Variants in ZBTB20 observed in about 807,000 individuals in gnomAD.
ZBTB20 encodes zinc finger and BTB domain containing 20, also known as zinc finger and BTB domain-containing protein 20.
ZBTB20 carries 9 observed loss-of-function variants against 56.9 expected under a neutral mutation model. That is an observed-to-expected ratio of 0.16 (90% confidence interval 0.10 to 0.28). The LOEUF is 0.28. ZBTB20 is among the 10% of genes least tolerant of loss of function. The probability of loss-of-function intolerance (pLI) is 1.00; values close to 1 mark genes in which losing one functional copy is unlikely to be tolerated. For synonymous variants in ZBTB20, 417 were observed against 420.7 expected (o/e 0.99, Z 0.11); for missense variants, 655 against 1,003.0 (o/e 0.65, Z 4.69).
At position 114,335,358 on chromosome 3, in the gene ZBTB20, T is replaced by C. The variant is rs1321119137; in HGVS notation, c.*3647A>G. On this transcript the variant is annotated 3_prime_UTR_variant, in exon 12 of 12. Coordinates refer to ENST00000675478, the MANE Select transcript of ZBTB20 (RefSeq NM_001348800.3). ...CTAAATGTAAGATGACTGTAGGACT[T>C]GAAACAAAAAAAAATTAAAAAGATC... 6.6e-6 allele frequency: 1 copy of C among 152,098 alleles called. No individual in the cohort carries two copies. The highest frequency in any genetic ancestry group is 1.5e-5 in the Non-Finnish European group (1 of 68,004). 9.4% of individuals were successfully genotyped at this position (152,098 alleles called of 1,614,324 possible). A position where few individuals can be genotyped will look rare whatever the true frequency, so the allele number is the denominator to read the frequency against.
At chr3:114,820,468 T>A (rs2073175007) in intron 4 of ZBTB20, among the ~76,000 whole-genome samples, 1 of 152,104 alleles carries the variant, frequency 6.6e-6, no homozygotes, top group African/African-American at 2.4e-5. Context: ...TAGAATTGTT[T>A]ATCCATGATT....
intron 3 of ZBTB20, among the ~76,000 whole-genome samples, chr3:114,916,298 CAT>C (rs1560395187): frequency 6.6e-6 from 1 of 152,044 alleles, no homozygotes; most frequent in Non-Finnish European, 1.5e-5. Flanking sequence ...TTTATAATTA[CAT>C]AGTGACCTTC....
At chr3:114,726,031 T>C (rs1429066537) in intron 5 of ZBTB20, among the ~76,000 whole-genome samples, 2 of 152,188 alleles carry the variant, frequency 1.3e-5, no homozygotes, top group Non-Finnish European at 2.9e-5. Flanking sequence ...CAGTTTATTT[T>C]AGTAACACAA....
At chr3:114,590,688 C>T (rs758609127) in intron 6 of ZBTB20, among the ~76,000 whole-genome samples, 1 of 152,020 alleles carries the variant, frequency 6.6e-6, no homozygotes, top group Non-Finnish European at 1.5e-5. Flanking sequence ...CTTTCACCCT[C>T]GTCAAGCACA....
At chr3:114,850,327 T>C (rs530280210) in intron 4 of ZBTB20, among the ~76,000 whole-genome samples, 63 of 152,128 alleles carry the variant, frequency 4.1e-4, no homozygotes, top group Non-Finnish European at 8.1e-4. Context: ...ACGACCAAAA[T>C]ATAAACAGGA....
chr3:114,322,499 GA>G lies in ZBTB20; in HGVS notation c.*16505del. 1 of 152,308 alleles carries G rather than the reference GA, an allele frequency of 6.6e-6. No individual in the cohort carries two copies. The highest frequency in any genetic ancestry group is 1.5e-5 in the Non-Finnish European group (1 of 68,030). The allele number at this position is 152,308 out of a possible 1,614,324, so 9.4% of individuals were successfully genotyped here. ...CGATCTGAAGATTAAAATCTTTGGT[GA>G]CAGAACTGGAGTGGATATGCAAATT... is the stretch of plus-strand genomic sequence containing the variant. On this transcript the variant is annotated 3_prime_UTR_variant, in exon 12 of 12. Transcript: ENST00000675478.
At position 114,317,456 on chromosome 3, in the gene ZBTB20, A is replaced by G. The variant is rs2078730871; in HGVS notation, c.*21549T>C. On this transcript the variant is annotated 3_prime_UTR_variant, in exon 12 of 12. Transcript: ENST00000675478. ...AAGGCTGCTTGCCATTGCTCACCTC[A>G]TTTTTGAAAAAATCAGAGAAGTCTA... The G allele has an allele frequency of 6.6e-6, 1 of 151,422 alleles. No individual in the cohort carries two copies. The highest frequency in any genetic ancestry group is 2.4e-5 in the African/African-American group (1 of 41,104). The allele number at this position is 151,422 out of a possible 1,614,324, so 9.4% of individuals were successfully genotyped here.
chr3:114,810,213 T>C (rs558140528), intron 4 of ZBTB20, among the ~76,000 whole-genome samples: 1 of 152,328 alleles, frequency 6.6e-6, no homozygotes, highest in East Asian at 1.9e-4. Flanking sequence ...CCCCAGAGTA[T>C]GTGTGCAGCC....
At chr3:114,768,318 T>C (rs1168008593) in intron 5 of ZBTB20, among the ~76,000 whole-genome samples, 2 of 152,008 alleles carry the variant, frequency 1.3e-5, no homozygotes, top group Non-Finnish European at 2.9e-5. Flanking sequence ...TAAAATTATA[T>C]AGCAATATAT....
At chr3:114,844,520 C>CAGAAAAAAAAAAA (rs2074564889) in intron 4 of ZBTB20, among the ~76,000 whole-genome samples, 1 of 22,804 alleles carries the variant, frequency 4.4e-5, no homozygotes, top group Non-Finnish European at 6.5e-5. Flanking sequence ...GTCCCTGTCT[C>CAGAAAAAAAAAAA]AAAAAAAAAA....
At chr3:114,911,039 C>A (rs28379518) in intron 3 of ZBTB20, among the ~76,000 whole-genome samples, 2 of 151,914 alleles carry the variant, frequency 1.3e-5, no homozygotes, top group Non-Finnish European at 2.9e-5. Context: ...CTGTCCTATT[C>A]TTGTTCTTCA....
At chr3:114,598,174 A>T (rs2056472040) in intron 6 of ZBTB20, among the ~76,000 whole-genome samples, 1 of 152,126 alleles carries the variant, frequency 6.6e-6, no homozygotes, top group African/African-American at 2.4e-5. Context: ...ATTAAGGTTC[A>T]AGGAAATCTT....
chr3:114,533,802 C>T (rs1176328977), intron 6 of ZBTB20, among the ~76,000 whole-genome samples: 1 of 152,176 alleles, frequency 6.6e-6, no homozygotes, highest in Non-Finnish European at 1.5e-5. Context: ...TGCAGAAACC[C>T]TACAGGCCAG....
intron 4 of ZBTB20, among the ~76,000 whole-genome samples, chr3:114,866,839 C>G (rs1042988424): frequency 6.6e-6 from 1 of 152,104 alleles, no homozygotes; most frequent in Non-Finnish European, 1.5e-5. Context: ...TGGACTAATA[C>G]GTTGGACTAA....
chr3:114,466,519 T>C (rs1426588506), intron 7 of ZBTB20, among the ~76,000 whole-genome samples: 1 of 152,198 alleles, frequency 6.6e-6, no homozygotes, highest in Non-Finnish European at 1.5e-5. Context: ...AGAACTCACA[T>C]GTTACCCAGC....
chr3:114,776,937 A>C (rs541749031), intron 5 of ZBTB20, among the ~76,000 whole-genome samples: 37 of 152,314 alleles, frequency 2.4e-4, no homozygotes, highest in African/African-American at 7.2e-4. Context: ...TTTTTTATGA[A>C]GTAGGACAAA....
rs1242080106 is a variant in ZBTB20 at position 114,325,453 on chromosome 3, C to T, written c.*13552G>A. ...GATCTCTCTGTACACTCCTCTCGGG[C>T]CCGGATAGCACATTAGGTATAGAAG... On this transcript the variant is annotated 3_prime_UTR_variant, in exon 12 of 12. Transcript: ENST00000675478. 6.6e-6 allele frequency: 1 copy of T among 152,142 alleles called. No individual in the cohort carries two copies. Among genetic ancestry groups the T allele is most frequent in the African/African-American group, 2.4e-5 (1 of 41,430 alleles). 9.4% of individuals were successfully genotyped at this position (152,142 alleles called of 1,614,324 possible).
intron 7 of ZBTB20, among the ~76,000 whole-genome samples, chr3:114,409,171 C>G (rs1004814564): frequency 9.4e-6 from 1 of 106,476 alleles, no homozygotes; most frequent in Non-Finnish European, 1.7e-5. Flanking sequence ...AAAAAGAGCA[C>G]AAGCTTTCTG....
chr3:114,856,686 G>A (rs1454144623), intron 4 of ZBTB20, among the ~76,000 whole-genome samples: 1 of 152,056 alleles, frequency 6.6e-6, no homozygotes, highest in Non-Finnish European at 1.5e-5. Context: ...TTTTATCACA[G>A]GAATGTAATT....
Sources: gnomAD v4.1 joint callset for allele counts (sites outside exome capture counted in the v4.1 genomes callset) on GRCh38, gnomAD v4.1.1 for gene constraint, MANE v1.5 for transcripts, NCBI Gene and HGNC (gene_info 2026-07-23, HGNC 2026-07-21) for gene names.